RSPH14: variants seen among roughly 807,000 people sequenced by gnomAD.
The protein encoded by RSPH14 is rhabdoid tumor deletion region gene 1.
In RSPH14, 20 loss-of-function variants were observed where a neutral mutation model predicts 26.7. That is an observed-to-expected ratio of 0.75 (90% CI 0.53 to 1.09). The LOEUF is 1.09. Ranked by LOEUF, RSPH14 falls within the 50% of genes least tolerant of loss-of-function variation. The pLI is 0.00. For missense variants in RSPH14, 449 were observed against 457.2 expected, an observed-to-expected ratio of 0.98 and a Z score of 0.16; for synonymous variants, 177 against 189.3, an observed-to-expected ratio of 0.93 and a Z score of 0.53.
At chr22:23,146,027 T>C, upstream of RSPH14, 1 of 984,768 alleles carries the variant, frequency 1.0e-6, no homozygotes, top group Non-Finnish European at 1.2e-6. Context: ...CACAGCCCAG[T>C]AAGGTAAGCT....
chr22:23,129,563 G>A (rs542518697), intron 4 of RSPH14, among the ~76,000 whole-genome samples: 2 of 150,928 alleles, frequency 1.3e-5, no homozygotes, highest in East Asian at 1.9e-4. Context: ...TATCTTACAC[G>A]GCACTCAAAA....
At chr22:23,155,446 G>T in the RSPH14 span, among the ~76,000 whole-genome samples, 1 of 152,202 alleles carries the variant, frequency 6.6e-6, no homozygotes, top group Non-Finnish European at 1.5e-5. Flanking sequence ...GGAGCTAACT[G>T]CTGAGACCCA....
intron 4 of RSPH14, among the ~76,000 whole-genome samples, chr22:23,102,434 T>G (rs1176325345): frequency 1.3e-5 from 2 of 152,206 alleles, no homozygotes; most frequent in African/African-American, 4.8e-5. Context: ...ACAAGGCCCC[T>G]GTCAAAAGCA....
At chr22:23,126,711 G>A (rs1276824641) in intron 4 of RSPH14, among the ~76,000 whole-genome samples, 7 of 152,230 alleles carry the variant, frequency 4.6e-5, no homozygotes, top group Non-Finnish European at 1.5e-5. Context: ...GGCTAGAGTA[G>A]GTGGCAGGGT....
the RSPH14 span, chr22:23,158,765 T>A: frequency 2.6e-6 from 2 of 757,346 alleles, no homozygotes; most frequent in East Asian, 2.7e-5. Context: ...GCTCAGCCAG[T>A]GTGGGCCAGG....
chr22:23,066,677 G>A (rs988643225), intron 4 of RSPH14, among the ~76,000 whole-genome samples: 1 of 152,194 alleles, frequency 6.6e-6, no homozygotes, highest in African/African-American at 2.4e-5. Flanking sequence ...TTGCTCAAGT[G>A]GGGGTGGGGC....
At chr22:23,125,226 CAA>C (rs1359061680) in intron 4 of RSPH14, among the ~76,000 whole-genome samples, 2 of 152,118 alleles carry the variant, frequency 1.3e-5, no homozygotes, top group African/African-American at 4.8e-5. Flanking sequence ...AAAGAAACTG[CAA>C]AGAGGGGAAA....
In RSPH14 at chr22:23,134,221, T is replaced by C. The variant is rs548386483; in HGVS notation, c.303-77A>G. ...CTCAAATTAGAAGAGTCAGGGTCCC[T>C]GCTGGAGTCTGATCCATGCTATCTG... On this transcript the variant is annotated intron_variant, in intron 3 of 6. Coordinates refer to ENST00000216036, the MANE Select transcript of RSPH14 (RefSeq NM_014433.3). 7.5e-5 allele frequency: 81 copies of C among 1,077,202 alleles called. No homozygotes were observed. In the African/African-American group the frequency reaches 1.1e-3, roughly 14 times the overall value. The allele number at this position is 1,077,202 out of a possible 1,614,324, so 66.7% of individuals were successfully genotyped here.
chr22:23,112,260 C>G (rs1056190701), intron 4 of RSPH14, among the ~76,000 whole-genome samples: 1 of 152,244 alleles, frequency 6.6e-6, no homozygotes, highest in African/African-American at 2.4e-5. Context: ...CAGCCCCAGG[C>G]CCTGCCTGGG....
intron 4 of RSPH14, among the ~76,000 whole-genome samples, chr22:23,082,898 C>T (rs959637932): frequency 6.6e-6 from 1 of 151,214 alleles, no homozygotes; most frequent in African/African-American, 2.4e-5. Context: ...ACAGTGTCTT[C>T]CCCCCAAACC....
chr22:23,112,452 A>G (rs2069682684), intron 4 of RSPH14, among the ~76,000 whole-genome samples: 1 of 152,142 alleles, frequency 6.6e-6, no homozygotes, highest in African/African-American at 2.4e-5. Context: ...GGAGCATGCC[A>G]GGGTGCAGCC....
At chr22:23,066,403 G>C (rs1447658352) in intron 4 of RSPH14, among the ~76,000 whole-genome samples, 1 of 152,160 alleles carries the variant, frequency 6.6e-6, no homozygotes, top group Non-Finnish European at 1.5e-5. Context: ...GAGGCAACTT[G>C]AATACCTAAG....
chr22:23,130,224 G>A (rs1024877152), intron 4 of RSPH14, among the ~76,000 whole-genome samples: 4 of 151,716 alleles, frequency 2.6e-5, no homozygotes, highest in Admixed American at 6.6e-5. Context: ...GGGAGGCCGA[G>A]GCAGGCGGAT....
intron 4 of RSPH14, among the ~76,000 whole-genome samples, chr22:23,079,988 C>T (rs994903768): frequency 1.3e-5 from 2 of 152,110 alleles, no homozygotes; most frequent in Non-Finnish European, 2.9e-5. Flanking sequence ...ATCAGATTCC[C>T]CACTCAAGTG....
intron 4 of RSPH14, among the ~76,000 whole-genome samples, chr22:23,073,401 G>T (rs1044498933): frequency 3.3e-5 from 5 of 152,226 alleles, no homozygotes; most frequent in Non-Finnish European, 7.3e-5. Flanking sequence ...GAAGAGGGAC[G>T]TGGGAGCACC....
chr22:23,074,816 G>T (rs1420769830), intron 4 of RSPH14, among the ~76,000 whole-genome samples: 5 of 152,172 alleles, frequency 3.3e-5, no homozygotes, highest in Admixed American at 6.5e-5. Context: ...GGCAGGGCAT[G>T]CCCAGGGACT....
At chr22:23,120,488 T>A (rs1037386643) in intron 4 of RSPH14, among the ~76,000 whole-genome samples, 1 of 152,178 alleles carries the variant, frequency 6.6e-6, no homozygotes, top group African/African-American at 2.4e-5. Flanking sequence ...ACACGTGAAC[T>A]GTTTCCGCAT....
In RSPH14 at chr22:23,140,247, C is replaced by G; in HGVS notation, c.174G>C (p.Glu58Asp). Residue 58 changes from glutamate (E) to aspartate (D), a missense_variant, in exon 2 of 7, where the codon GAG becomes GAC. Glu to Asp is a conservative substitution (Grantham distance 45). Transcript: ENST00000216036. ...CTATGTTCATGGCCTTGTAGATACA[C>G]TCGGGGTCATGCATGAGGTCACACA... ...MALCDLMHDP[E>D]CIYKAMNIGC... 1 of 1,614,088 alleles carries G rather than the reference C, an allele frequency of 6.2e-7. No individual in the cohort carries two copies. The highest frequency in any genetic ancestry group is 8.5e-7 in the Non-Finnish European group (1 of 1,180,028).
intron 2 of RSPH14, among the ~76,000 whole-genome samples, chr22:23,139,773 T>A (rs1194579034): frequency 2.0e-5 from 3 of 152,216 alleles, no homozygotes; most frequent in Non-Finnish European, 4.4e-5. Flanking sequence ...AGGATTAAGA[T>A]AATCCAGGCT....
Sources: gnomAD v4.1 joint callset for allele counts (sites outside exome capture counted in the v4.1 genomes callset) on GRCh38, gnomAD v4.1.1 for gene constraint, MANE v1.5 for transcripts, NCBI Gene and HGNC (gene_info 2026-07-23, HGNC 2026-07-21) for gene names.